Variants in MAP4K4 observed in about 807,000 individuals in gnomAD.
MAP4K4 encodes the protein HPK/GCK-like kinase HGK.
Under a neutral mutation model 189.6 loss-of-function variants are expected in MAP4K4, and 38 were observed. That is an observed-to-expected ratio of 0.20 (90% confidence interval 0.15 to 0.26). The LOEUF is 0.26. Ranked by LOEUF, MAP4K4 falls within the 10% of genes least tolerant of loss-of-function variation. MAP4K4 has a pLI of 1.00. For synonymous variants in MAP4K4, 610 were observed against 624.3 expected (o/e 0.98, Z 0.34); for missense variants, 1,054 against 1,726.9 (o/e 0.61, Z 6.91).
intron 3 of MAP4K4, chr2:101,797,446 CCTT>C: frequency 1.6e-6 from 2 of 1,236,478 alleles, no homozygotes; most frequent in South Asian, 2.5e-5. Context: ...CCCCCTCCCT[CCTT>C]ATCTTCTTAT....
intron 2 of MAP4K4, among the ~76,000 whole-genome samples, chr2:101,712,608 T>C (rs1466042082): frequency 6.6e-6 from 1 of 152,156 alleles, no homozygotes; most frequent in East Asian, 1.9e-4. Flanking sequence ...CAAGTGATTC[T>C]TGTGCCTCAA....
chr2:101,704,946 T>G lies in MAP4K4; in HGVS notation c.123+6408T>G, dbSNP rs2041506587. Among the ~76,000 whole-genome samples the G allele has an allele frequency of 3.3e-5, 5 of 152,144 alleles. No homozygotes were observed. The South Asian group carries it at 1.0e-3, about 32-fold the overall frequency. ...TGCTCACCAAACAGAATTTGTTCTT[T>G]TGTTATGGAGCAGGTTCAGTAATAA... On this transcript the variant is annotated intron_variant, in intron 2 of 32. Transcript: ENST00000324219.
chr2:101,793,861 C>T (rs1042207462), intron 3 of MAP4K4, among the ~76,000 whole-genome samples: 1 of 152,152 alleles, frequency 6.6e-6, no homozygotes, highest in African/African-American at 2.4e-5. Context: ...ACTTCACTTG[C>T]TTTACTTGAT....
At chr2:101,714,867 C>T (rs1015775215) in intron 2 of MAP4K4, among the ~76,000 whole-genome samples, 5 of 152,118 alleles carry the variant, frequency 3.3e-5, no homozygotes, top group Non-Finnish European at 5.9e-5. Context: ...ACTAAGATAC[C>T]TTCTCATAGT....
At chr2:101,824,683 A>C (rs2096273422) in intron 4 of MAP4K4, among the ~76,000 whole-genome samples, 1 of 152,196 alleles carries the variant, frequency 6.6e-6, no homozygotes, top group South Asian at 2.1e-4. Flanking sequence ...TACAGAAAAC[A>C]TTTGCAAAAT....
intron 2 of MAP4K4, among the ~76,000 whole-genome samples, chr2:101,738,467 G>A (rs1366303622): frequency 6.6e-6 from 1 of 152,110 alleles, no homozygotes; most frequent in Admixed American, 6.6e-5. Flanking sequence ...TTAATATGGG[G>A]CAGTTGAAGT....
At chr2:101,883,590 A>T (rs1255557984) in intron 28 of MAP4K4, among the ~76,000 whole-genome samples, 1 of 152,224 alleles carries the variant, frequency 6.6e-6, no homozygotes, top group Non-Finnish European at 1.5e-5. Context: ...AGCCAAATTA[A>T]AGTTTTATAG....
intron 2 of MAP4K4, among the ~76,000 whole-genome samples, chr2:101,755,801 GGTACTT>G (rs1292402649): frequency 2.0e-5 from 3 of 152,094 alleles, no homozygotes; most frequent in Non-Finnish European, 4.4e-5. Context: ...TGTGCAAACA[GGTACTT>G]GTATTTACTG....
chr2:101,785,906 C>T (rs1038450195), intron 2 of MAP4K4, among the ~76,000 whole-genome samples: 1 of 151,946 alleles, frequency 6.6e-6, no homozygotes, highest in Admixed American at 6.6e-5. Flanking sequence ...CTCACTGCAA[C>T]CTCTGTCTCC....
chr2:101,792,190 G>A (rs939084955), intron 3 of MAP4K4, among the ~76,000 whole-genome samples: 4 of 152,154 alleles, frequency 2.6e-5, no homozygotes, highest in East Asian at 1.9e-4. Flanking sequence ...TCTCCATTCC[G>A]AATGCTGTGC....
intron 12 of MAP4K4, among the ~76,000 whole-genome samples, chr2:101,848,594 A>G (rs1462286999): frequency 6.6e-6 from 1 of 152,194 alleles, no homozygotes; most frequent in Non-Finnish European, 1.5e-5. Flanking sequence ...GATGCCACAA[A>G]ACCAGGCCCA....
chr2:101,886,401 A>G (rs976707198), intron 29 of MAP4K4, among the ~76,000 whole-genome samples: 2 of 92,934 alleles, frequency 2.2e-5, no homozygotes, highest in Non-Finnish European at 4.3e-5. Flanking sequence ...TACTAGTATG[A>G]TAATAGTGAT....
At chr2:101,753,685 C>G (rs2150016863) in intron 2 of MAP4K4, among the ~76,000 whole-genome samples, 1 of 151,406 alleles carries the variant, frequency 6.6e-6, no homozygotes, top group Non-Finnish European at 1.5e-5. Context: ...TTTCCTTAGC[C>G]CAGCAAAAAC....
In MAP4K4 at chr2:101,887,397, C is replaced by CTTAG. The variant is rs1218277486; in HGVS notation, c.3771+161_3771+164dup. On this transcript the variant is annotated intron_variant, in intron 30 of 32. Transcript: ENST00000324219. ...ACGCAATTTTCAATAGCTCCATGCT[C>CTTAG]TTAGACAAGTGGAAATCCGCCTTCC... 12 of 694,872 alleles carry CTTAG rather than the reference C, an allele frequency of 1.7e-5. No individual in the cohort carries two copies. In the East Asian group the frequency reaches 3.7e-4, roughly 21 times the overall value. The allele number at this position is 694,872 out of a possible 1,614,324, so 43.0% of individuals were successfully genotyped here. A position where few individuals can be genotyped will look rare whatever the true frequency, so the allele number is the denominator to read the frequency against.
chr2:101,761,266 A>G (rs1367392745), intron 2 of MAP4K4, among the ~76,000 whole-genome samples: 5 of 152,220 alleles, frequency 3.3e-5, no homozygotes, highest in African/African-American at 1.2e-4. Context: ...ATTTAAAATT[A>G]TGTAAATTAA....
rs149283961 is a variant in MAP4K4 at position 101,729,101 on chromosome 2, A to AGAGTGTGTGT, written c.123+30564_123+30565insAGTGTGTGTG. Among the ~76,000 whole-genome samples, 1,009 of 130,540 alleles carry AGAGTGTGTGT rather than the reference A, an allele frequency of 7.7e-3. 12 individuals carry two copies. The highest frequency in any genetic ancestry group is 0.012 in the East Asian group (51 of 4,294). 85.6% of individuals were successfully genotyped at this position (130,540 alleles called of 152,430 possible). A position where few individuals can be genotyped will look rare whatever the true frequency, so the allele number is the denominator to read the frequency against. On this transcript the variant is annotated intron_variant, in intron 2 of 32. Transcript: ENST00000324219. ...AGGAGAGAGAGAGAGAGAGAGAGAG[A>AGAGTGTGTGT]GTGTGTGTGTGTGTGTGTGTGTGTG... is the stretch of plus-strand genomic sequence containing the variant.
At position 101,762,022 on chromosome 2, in the gene MAP4K4, C is replaced by T. The variant is rs756532721; in HGVS notation, c.124-28698C>T. 2.9e-4 allele frequency among the ~76,000 whole-genome samples: 44 copies of T among 152,194 alleles called. 1 individual carries two copies. The highest frequency in any genetic ancestry group is 5.7e-4 in the Non-Finnish European group (39 of 68,040). ...GAGATAGGTCTGTAAGCTTGGGCAA[C>T]TCACGTAACCCCTCTCAGTCCATTT... is the stretch of plus-strand genomic sequence containing the variant. On this transcript the variant is annotated intron_variant, in intron 2 of 32. Coordinates refer to ENST00000324219, the Ensembl canonical transcript of MAP4K4.
At position 101,767,125 on chromosome 2, in the gene MAP4K4, GT is replaced by G. The variant is rs376001960; in HGVS notation, c.124-23593del. Among the ~76,000 whole-genome samples, 230 of 152,278 alleles carry G rather than the reference GT, an allele frequency of 1.5e-3. 7 individuals carry two copies. The East Asian group carries it at 0.038, about 25-fold the overall frequency. On this transcript the variant is annotated intron_variant, in intron 2 of 32. Transcript: ENST00000324219. Reference sequence around the variant, plus strand: ...TATACCCTATGCAGACATCTAATTGGTTGTGGAAGGCAACCAATTCTCCTGC... The same window carrying G: ...TATACCCTATGCAGACATCTAATTGGTGTGGAAGGCAACCAATTCTCCTGC...
chr2:101,829,276 C>T (rs2096508762), intron 5 of MAP4K4, among the ~76,000 whole-genome samples: 1 of 152,150 alleles, frequency 6.6e-6, no homozygotes, highest in Non-Finnish European at 1.5e-5. Flanking sequence ...TCACGTTGCT[C>T]ACACGGGGAA....
Sources: gnomAD v4.1 joint callset for allele counts (sites outside exome capture counted in the v4.1 genomes callset) on GRCh38, gnomAD v4.1.1 for gene constraint, MANE v1.5 for transcripts, NCBI Gene and HGNC (gene_info 2026-07-23, HGNC 2026-07-21) for gene names.